CAP2: variants seen among roughly 807,000 people sequenced by gnomAD.
CAP2 encodes cyclase associated actin cytoskeleton regulatory protein 2.
In CAP2, 24 loss-of-function variants were observed where a neutral mutation model predicts 57.7. The observed-to-expected ratio is 0.42, with a 90% CI of 0.30 to 0.58. The LOEUF (loss-of-function observed/expected upper bound fraction) is 0.58. CAP2 is among the 20% of genes least tolerant of loss of function. CAP2 has a pLI of 0.22. For synonymous variants in CAP2, 194 were observed against 207.2 expected (o/e 0.94, Z 0.55); for missense variants, 501 against 590.3 (o/e 0.85, Z 1.57).
At chr6:17,483,391 G>A (rs754855777) in intron 4 of CAP2, among the ~76,000 whole-genome samples, 1 of 151,954 alleles carries the variant, frequency 6.6e-6, no homozygotes, top group African/African-American at 2.4e-5. Context: ...TGAAAATCTC[G>A]GTGACTTCCT....
intron 3 of CAP2, among the ~76,000 whole-genome samples, chr6:17,430,607 G>C (rs55945666): frequency 0.012 from 1,724 of 149,662 alleles, 36 homozygotes; most frequent in African/African-American, 0.039. Flanking sequence ...GGCGTGATCT[G>C]AGCTCACTGC....
intron 4 of CAP2, among the ~76,000 whole-genome samples, chr6:17,471,506 G>A (rs1761017841): frequency 6.6e-6 from 1 of 152,086 alleles, no homozygotes; most frequent in Admixed American, 6.6e-5. Flanking sequence ...CATTGATCTT[G>A]GAAGTAGAAA....
intron 7 of CAP2, among the ~76,000 whole-genome samples, chr6:17,523,245 A>C (rs935627265): frequency 6.6e-6 from 1 of 152,220 alleles, no homozygotes; most frequent in Admixed American, 6.5e-5. Context: ...GACAAGGGAC[A>C]TAAAATCTAA....
chr6:17,514,070 GT>G, intron 7 of CAP2, 116 bp downstream of exon 7: 1 of 726,972 alleles, frequency 1.4e-6, no homozygotes, highest in South Asian at 1.7e-5. Context: ...AAGATTAAAT[GT>G]CCATGTGGAG....
chr6:17,526,392 A>G (rs552164645), intron 7 of CAP2, among the ~76,000 whole-genome samples: 16 of 151,938 alleles, frequency 1.1e-4, no homozygotes, highest in Non-Finnish European at 1.5e-4. Context: ...TGCTGGGATT[A>G]CAGGCGTCAG....
Position 17,507,206 on chromosome 6 carries a change from A to T in CAP2, c.338A>T (p.Lys113Met), listed in dbSNP as rs751433253. The change falls in exon 5 of 13, where the codon AAG (lysine) becomes ATG (methionine). Residue 113 changes from lysine to methionine, a missense_variant. By Grantham distance (95) the Lys-to-Met change is moderately conservative. Transcript: ENST00000229922. ...VAALLKPISE[K>M]IQEIQTFRER... ...GCACTTCTGAAACCCATATCGGAAA[A>T]GATTCAGGAAATCCAAACTTTCAGA... 1.2e-6 allele frequency: 2 copies of T among 1,614,206 alleles called. No homozygotes were observed. The highest frequency in any genetic ancestry group is 2.2e-5 in the South Asian group (2 of 91,076).
intron 6 of CAP2, among the ~76,000 whole-genome samples, chr6:17,511,358 A>T (rs1277454890): frequency 6.6e-6 from 1 of 152,064 alleles, no homozygotes; most frequent in African/African-American, 2.4e-5. Context: ...AGAAAGGCAG[A>T]CTTCCTTGAG....
At chr6:17,438,347 A>G (rs972013956) in intron 3 of CAP2, among the ~76,000 whole-genome samples, 4 of 82,698 alleles carry the variant, frequency 4.8e-5, no homozygotes, top group Non-Finnish European at 8.6e-5. Context: ...ACCTGGGCGA[A>G]AGAACGAGAT....
chr6:17,525,394 G>A (rs147756376), intron 7 of CAP2, among the ~76,000 whole-genome samples: 1,667 of 151,760 alleles, frequency 0.011, 37 homozygotes, highest in African/African-American at 0.038. Context: ...CCTGTGAGGC[G>A]GAGGCTGCAG....
intron 4 of CAP2, among the ~76,000 whole-genome samples, chr6:17,468,066 G>T (rs1389214552): frequency 6.6e-6 from 1 of 151,766 alleles, no homozygotes; most frequent in South Asian, 2.1e-4. Flanking sequence ...AACATGCAAT[G>T]TTTGCCTTTC....
At chr6:17,410,572 ATT>A (rs778249461) in intron 1 of CAP2, among the ~76,000 whole-genome samples, 4 of 144,000 alleles carry the variant, frequency 2.8e-5, no homozygotes, top group Admixed American at 7.0e-5. Flanking sequence ...CTCAGATTTA[ATT>A]TTTTTTTTTT....
At chr6:17,415,308 C>G (rs1230327892) in intron 1 of CAP2, among the ~76,000 whole-genome samples, 8 of 152,074 alleles carry the variant, frequency 5.3e-5, no homozygotes, top group Admixed American at 1.3e-4. Context: ...TTTACAAAAC[C>G]CTTTAGACAA....
At chr6:17,495,418 T>G (rs1450675205) in intron 4 of CAP2, among the ~76,000 whole-genome samples, 1 of 152,204 alleles carries the variant, frequency 6.6e-6, no homozygotes, top group East Asian at 1.9e-4. Flanking sequence ...GCTTTACATC[T>G]AAGAACTGAG....
chr6:17,439,174 T>C (rs558387054), intron 3 of CAP2, among the ~76,000 whole-genome samples: 1 of 151,056 alleles, frequency 6.6e-6, no homozygotes, highest in East Asian at 2.0e-4. Context: ...TCTAACACTT[T>C]CATGGCTTTA....
At chr6:17,438,695 T>C (rs1177385893) in intron 3 of CAP2, among the ~76,000 whole-genome samples, 53 of 148,390 alleles carry the variant, frequency 3.6e-4, no homozygotes, top group Non-Finnish European at 5.3e-4. Flanking sequence ...CACCTCGGCC[T>C]CCCAAAGTGC....
At chr6:17,526,170 T>C (rs982074246) in intron 7 of CAP2, among the ~76,000 whole-genome samples, 3 of 151,250 alleles carry the variant, frequency 2.0e-5, no homozygotes, top group African/African-American at 7.3e-5. Context: ...CAACCTGGAG[T>C]GCAGTGGTGT....
chr6:17,414,824 C>T (rs931139205), intron 1 of CAP2, among the ~76,000 whole-genome samples: 7 of 152,170 alleles, frequency 4.6e-5, no homozygotes, highest in Admixed American at 6.5e-5. Context: ...CTTGAGGAAT[C>T]GCCATACTGT....
intron 6 of CAP2, among the ~76,000 whole-genome samples, chr6:17,508,657 C>T (rs1762053057): frequency 6.6e-6 from 1 of 152,170 alleles, no homozygotes; most frequent in South Asian, 2.1e-4. Flanking sequence ...TCAGCAAATG[C>T]AGAGGCACCT....
At chr6:17,556,289 C>G in intron 12 of CAP2, 70 bp from the exon 13 acceptor site, 1 of 1,132,712 alleles carries the variant, frequency 8.8e-7, no homozygotes, top group Middle Eastern at 2.0e-4. Context: ...CATCTGTTTG[C>G]AAAAGGAAGC....
Sources: gnomAD v4.1 joint callset for allele counts (sites outside exome capture counted in the v4.1 genomes callset) on GRCh38, gnomAD v4.1.1 for gene constraint, MANE v1.5 for transcripts, NCBI Gene and HGNC (gene_info 2026-07-23, HGNC 2026-07-21) for gene names.